The following CEP89 variants were observed in gnomAD, a reference collection of about 807,000 sequenced individuals.
CEP89 encodes centrosomal protein of 89 kDa.
CEP89 carries 95 observed loss-of-function variants against 97.6 expected under a neutral mutation model. The ratio of observed to expected loss-of-function variants is 0.97; its 90% CI spans 0.82 to 1.15. The LOEUF is 1.15. Among genes scored for constraint, CEP89 ranks in the 50% most tolerant of loss-of-function variants. The pLI, the probability that CEP89 is intolerant of heterozygous loss-of-function variation, is 0.00. For missense variants in CEP89, 869 were observed against 947.7 expected, an observed-to-expected ratio of 0.92 and a Z score of 1.09; for synonymous variants, 354 against 349.1, an observed-to-expected ratio of 1.01 and a Z score of -0.16.
rs112435087 is a variant in CEP89 at position 32,901,514 on chromosome 19, C to G, written c.1566-102G>C. 63 of 1,232,768 alleles carry G rather than the reference C, an allele frequency of 5.1e-5. 1 individual carries two copies. The African/African-American group carries it at 7.2e-4, about 14-fold the overall frequency. The allele number at this position is 1,232,768 out of a possible 1,614,324, so 76.4% of individuals were successfully genotyped here. A position where few individuals can be genotyped will look rare whatever the true frequency, so the allele number is the denominator to read the frequency against. The stretch of plus-strand genomic sequence containing the variant: ...GAGTGATAACAGCCCAGCCCTCCAG[C>G]CCCTGGGTGGGTCACTTGGAATGCC... On this transcript the variant is annotated intron_variant, in intron 14 of 18. Transcript: ENST00000305768.
intron 3 of CEP89, among the ~76,000 whole-genome samples, chr19:32,956,413 A>G (rs1971050649): frequency 6.7e-6 from 1 of 149,608 alleles, no homozygotes; most frequent in African/African-American, 2.5e-5. Context: ...TCTGTCATCC[A>G]GGGTGGAGTG....
At chr19:32,962,597 C>T (rs1720190764) in intron 2 of CEP89, among the ~76,000 whole-genome samples, 1 of 151,962 alleles carries the variant, frequency 6.6e-6, no homozygotes, top group African/African-American at 2.4e-5. Flanking sequence ...AAGCATGATC[C>T]ATAAAAGAAA....
intron 3 of CEP89, among the ~76,000 whole-genome samples, chr19:32,958,816 A>AG (rs1365225029): frequency 9.9e-5 from 15 of 152,230 alleles, no homozygotes; most frequent in South Asian, 4.1e-4. Flanking sequence ...CGGGAGTTCA[A>AG]GACCAGCCTG....
chr19:32,952,820 C>T (rs1057177120), intron 4 of CEP89, among the ~76,000 whole-genome samples: 14 of 139,342 alleles, frequency 1.0e-4, no homozygotes, highest in African/African-American at 3.7e-4. Flanking sequence ...GGGAGGATCA[C>T]TTGAGTCCAG....
rs1568541668 is a variant in CEP89, at chr19:32,881,888, C to T, written c.2091G>A (p.Leu697=). The change falls in exon 18 of 19, where the codon CTG becomes CTA. Residue 697 remains leucine (L), a synonymous_variant. Coordinates refer to ENST00000305768, the MANE Select transcript of CEP89 (RefSeq NM_032816.5). ...GGTCCAGCACCTCCTGCTTGTCCTT[C>T]AGCACCTGGTGCAGGTGCCGCATCT... ...RQEMRHLHQV[L]KDKQEVLDQA... is the part of the protein sequence containing the mutation. 1 of 1,606,592 alleles carries T rather than the reference C, an allele frequency of 6.2e-7. No homozygotes were observed. Among genetic ancestry groups the T allele is most frequent in the Non-Finnish European group, 8.5e-7 (1 of 1,179,132 alleles).
chr19:32,884,838 T>C (rs2145869208), intron 17 of CEP89, among the ~76,000 whole-genome samples: 1 of 152,198 alleles, frequency 6.6e-6, no homozygotes, highest in African/African-American at 2.4e-5. Context: ...GCTGGGATTA[T>C]AGGCACGTGC....
In CEP89 at chr19:32,887,888, G is replaced by T; in HGVS notation, c.1876-47C>A. On this transcript the variant is annotated intron_variant, in intron 16 of 18. Transcript: ENST00000305768. ...GGGCTCTCAGTTTTACAGAAAAATT[G>T]AAATAACAAACAATTATTTTGCAAA... is the stretch of plus-strand genomic sequence containing the variant. 3 of 1,095,122 alleles carry T rather than the reference G, an allele frequency of 2.7e-6. No individual in the cohort carries two copies. The South Asian group carries it at 3.9e-5, about 14-fold the overall frequency. 67.8% of individuals were successfully genotyped at this position (1,095,122 alleles called of 1,614,324 possible).
chr19:32,897,276 T>C (rs1969663152), intron 16 of CEP89, among the ~76,000 whole-genome samples: 1 of 152,196 alleles, frequency 6.6e-6, no homozygotes, highest in Admixed American at 6.5e-5. Flanking sequence ...GTCTTTTTCT[T>C]TCAGGAAAGG....
Position 32,953,860 on chromosome 19 carries a change from T to A in CEP89, c.306-59A>T, listed in dbSNP as rs556508683. On this transcript the variant is annotated intron_variant, in intron 3 of 18. Transcript: ENST00000305768. ...AAAGTCACTTAACACTTGACACTGA[T>A]AAATATCTTTTTTTTTTTTTTTTTT... The A allele has an allele frequency of 3.0e-4, 292 of 971,856 alleles. 3 individuals are homozygous for A. The African/African-American group carries it at 4.2e-3, about 14-fold the overall frequency. The allele number at this position is 971,856 out of a possible 1,614,324, so 60.2% of individuals were successfully genotyped here.
At chr19:32,963,388 A>C (rs1485703646) in intron 2 of CEP89, 1 of 152,196 alleles carries the variant, frequency 6.6e-6, no homozygotes, top group Non-Finnish European at 1.5e-5. Flanking sequence ...AAACAAAAAA[A>C]CAAAAATAAC....
At position 32,881,847 on chromosome 19, in the gene CEP89, T is replaced by C; in HGVS notation, c.2132A>G (p.Asn711Ser). The C allele has an allele frequency of 6.2e-7, 1 of 1,601,076 alleles. No individual in the cohort carries two copies. Among genetic ancestry groups the C allele is most frequent in the East Asian group, 2.2e-5 (1 of 44,742 alleles). The change falls in exon 18 of 19, where the codon AAC becomes AGC. Residue 711 changes from asparagine (N) to serine (S), a missense_variant. Transcript: ENST00000305768. ...QEVLDQALQQ[N>S]REMEGELEVI... ...TGGCGCAGGGCGCATGCCCCACCTGTTCTGCTGCAGCGCCTGGTCCAGCAC... is the reference window on the plus strand; with the variant it reads ...TGGCGCAGGGCGCATGCCCCACCTGCTCTGCTGCAGCGCCTGGTCCAGCAC...
chr19:32,953,720 A>G lies in CEP89; in HGVS notation c.387T>C (p.Ile129=). 6.2e-7 allele frequency: 1 copy of G among 1,614,048 alleles called. No individual in the cohort carries two copies. Among genetic ancestry groups the G allele is most frequent in the Non-Finnish European group, 8.5e-7 (1 of 1,179,972 alleles). ...TGCCGCTGGATGACAGCTGAGTTTC[A>G]ATGTCCTCTTCGTCCCCATAGTCCA... ...ETLDYGDEED[I]ETQLSSSGKE... Residue 129 remains isoleucine, a synonymous_variant, in exon 4 of 19, where the codon ATT becomes ATC. Transcript: ENST00000305768.
intron 18 of CEP89, among the ~76,000 whole-genome samples, chr19:32,880,571 T>G (rs1392346359): frequency 6.6e-6 from 1 of 151,014 alleles, no homozygotes; most frequent in Non-Finnish European, 1.5e-5. Context: ...CCCAGAAATT[T>G]GAGGCTGCAG....
chr19:32,966,352 A>C lies in CEP89; in HGVS notation c.146+8T>G. The C allele has an allele frequency of 6.7e-7, 1 of 1,499,360 alleles. No homozygotes were observed. The highest frequency in any genetic ancestry group is 9.0e-7 in the Non-Finnish European group (1 of 1,109,360). 92.9% of individuals were successfully genotyped at this position (1,499,360 alleles called of 1,614,324 possible). ...GGTGACCTCAGTGCCTGCTCATCTG[A>C]TACTCACCTTGGTCTCTCTGGAGAT... is the stretch of plus-strand genomic sequence containing the variant. On this transcript the variant is annotated splice_region_variant and intron_variant, in intron 2 of 18. Coordinates refer to ENST00000305768, the MANE Select transcript of CEP89 (RefSeq NM_032816.5).
At chr19:32,915,227 GA>G in intron 14 of CEP89, 109 bp downstream of exon 14, 3 of 963,912 alleles carry the variant, frequency 3.1e-6, no homozygotes, top group Non-Finnish European at 4.4e-6. Flanking sequence ...GAGAGGCTGG[GA>G]TGGGCAGATC....
In CEP89 at chr19:32,879,104, C is replaced by G; in HGVS notation, c.*58G>C. On this transcript the variant is annotated 3_prime_UTR_variant, in exon 19 of 19. Coordinates refer to ENST00000305768, the MANE Select transcript of CEP89 (RefSeq NM_032816.5). ...ACCATGGGCTGCCCTGCAGGGAAGG[C>G]CTGTGTGAGGCAGACCTTTCAGGCC... is the stretch of plus-strand genomic sequence containing the variant. 1 of 1,410,652 alleles carries G rather than the reference C, an allele frequency of 7.1e-7. No homozygotes were observed. The highest frequency in any genetic ancestry group is 9.7e-7 in the Non-Finnish European group (1 of 1,029,258). 87.4% of individuals were successfully genotyped at this position (1,410,652 alleles called of 1,614,324 possible).
At chr19:32,891,473 C>G (rs1267576200) in intron 16 of CEP89, among the ~76,000 whole-genome samples, 1 of 152,146 alleles carries the variant, frequency 6.6e-6, no homozygotes, top group African/African-American at 2.4e-5. Flanking sequence ...CAATATGACA[C>G]CTCCAAAGGA....
At chr19:32,950,020 CTT>C (rs36042141) in intron 4 of CEP89, among the ~76,000 whole-genome samples, 21 of 143,566 alleles carry the variant, frequency 1.5e-4, no homozygotes, top group Non-Finnish European at 1.7e-4. Context: ...TGGCCCCGTA[CTT>C]TTTTTTTTTT....
At chr19:32,889,060 G>A (rs553613147) in intron 16 of CEP89, among the ~76,000 whole-genome samples, 2 of 152,284 alleles carry the variant, frequency 1.3e-5, no homozygotes, top group Non-Finnish European at 2.9e-5. Flanking sequence ...CACTGTTGGT[G>A]TATGTACAGG....
Sources: allele counts gnomAD v4.1 joint callset (sites outside exome capture counted in the v4.1 genomes callset), GRCh38; gene constraint gnomAD v4.1.1; transcripts MANE v1.5; gene names NCBI Gene and HGNC (gene_info 2026-07-23, HGNC 2026-07-21).